The following FANCB variants were observed in gnomAD, a reference collection of about 807,000 sequenced individuals.
The protein encoded by FANCB is Fanconi anemia group B protein.
In FANCB, 5 loss-of-function variants were observed where a neutral mutation model predicts 38.9. The ratio of observed to expected loss-of-function variants is 0.13; its 90% CI spans 0.07 to 0.27. The LOEUF (loss-of-function observed/expected upper bound fraction) is 0.27, where lower values mean the gene tolerates loss of function less well. Ranked by LOEUF, FANCB falls within the 10% of genes least tolerant of loss-of-function variation. FANCB has a pLI of 1.00. For synonymous variants in FANCB, 236 were observed against 215.4 expected (o/e 1.10, Z -0.84); for missense variants, 573 against 602.7 (o/e 0.95, Z 0.52).
chrX:14,730,225 G>C, the FANCB span: 1 of 1,201,396 alleles, frequency 8.3e-7, no homozygotes, highest in African/African-American at 1.8e-5. Context: ...CGTTACTCGT[G>C]AAAGTCGTTT....
intron 5 of FANCB, among the ~76,000 whole-genome samples, chrX:14,853,395 G>A (rs1168208724): frequency 8.9e-6 from 1 of 111,842 alleles, no homozygotes; most frequent in Non-Finnish European, 1.9e-5. Flanking sequence ...GCAACATAGA[G>A]CTTATGTATC....
At chrX:14,697,015 A>C in the FANCB span, among the ~76,000 whole-genome samples, 1 of 111,549 alleles carries the variant, frequency 9.0e-6, no homozygotes, top group African/African-American at 3.3e-5. Context: ...AAAATAGGCA[A>C]GAAATATTTC....
rs2092463122 is a variant in FANCB, at chrX:14,865,019, T to C, written c.492A>G (p.Ser164=). 8.3e-7 allele frequency: 1 copy of C among 1,210,636 alleles called. No individual in the cohort carries two copies. The highest frequency in any genetic ancestry group is 1.1e-6 in the Non-Finnish European group (1 of 894,717). ...SSQTGKVVSV[S]GNFSSIQWAG... is the part of the protein sequence containing the mutation. ...CCCACTGAATAGAGGAAAAGTTACC[T>C]GACACACTAACAACTTTGCCAGTTT... The change falls in exon 3 of 10, where the codon TCA becomes TCG. Residue 164 remains serine, a synonymous_variant. Coordinates refer to ENST00000650831, the MANE Select transcript of FANCB (RefSeq NM_001018113.3).
chrX:14,712,559 G>A, the FANCB span, among the ~76,000 whole-genome samples: 1 of 109,114 alleles, frequency 9.2e-6, no homozygotes, highest in African/African-American at 3.3e-5. Flanking sequence ...GTAGTTAAAA[G>A]TCTGGAGTAA....
the FANCB span, among the ~76,000 whole-genome samples, chrX:14,804,023 T>C: frequency 8.9e-6 from 1 of 111,785 alleles, no homozygotes; most frequent in Non-Finnish European, 1.9e-5. Context: ...GGAACACTTT[T>C]ACACTGTTGG....
At chrX:14,780,368 A>C in the FANCB span, among the ~76,000 whole-genome samples, 1 of 111,160 alleles carries the variant, frequency 9.0e-6, no homozygotes, top group Non-Finnish European at 1.9e-5. Flanking sequence ...TTTTCTGTAC[A>C]TATAAACAGA....
the FANCB span, among the ~76,000 whole-genome samples, chrX:14,794,712 T>A: frequency 4.5e-5 from 5 of 112,097 alleles, no homozygotes; most frequent in Non-Finnish European, 9.4e-5. Flanking sequence ...TTTCCCTCTG[T>A]GTCTTGCTGA....
chrX:14,748,907 T>C, the FANCB span, among the ~76,000 whole-genome samples: 1 of 112,147 alleles, frequency 8.9e-6, no homozygotes, highest in Admixed American at 9.4e-5. Context: ...CATCTCTTGA[T>C]AGTGTATAGA....
the FANCB span, among the ~76,000 whole-genome samples, chrX:14,764,242 T>A: frequency 9.0e-6 from 1 of 111,238 alleles, no homozygotes; most frequent in Non-Finnish European, 1.9e-5. Flanking sequence ...TGTTGGTCTA[T>A]CTTTCCATAC....
At chrX:14,834,866 T>G (rs1601969483), downstream of FANCB, 1 of 599,168 alleles carries the variant, frequency 1.7e-6, no homozygotes, top group East Asian at 3.3e-5. Flanking sequence ...CCTTTTTCTG[T>G]GGAAACTTGC....
At chrX:14,869,214 T>C (rs2092484241) in intron 1 of FANCB, 171 bp from the exon 2 acceptor site, 1 of 111,969 alleles carries the variant, frequency 8.9e-6, no homozygotes, top group Admixed American at 9.5e-5. Flanking sequence ...TTACTACCTA[T>C]TCAAAGTTTT....
At chrX:14,716,293 A>T in the FANCB span, among the ~76,000 whole-genome samples, 1 of 111,647 alleles carries the variant, frequency 9.0e-6, no homozygotes, top group Non-Finnish European at 1.9e-5. Flanking sequence ...GAGGAAATTG[A>T]AGAACAAAAA....
intron 7 of FANCB, among the ~76,000 whole-genome samples, chrX:14,848,413 G>T (rs2092386141): frequency 9.0e-6 from 1 of 110,876 alleles, no homozygotes; most frequent in Non-Finnish European, 1.9e-5. Flanking sequence ...TGGACGCACA[G>T]GGGGCGCCTG....
chrX:14,731,751 T>C, the FANCB span: 8 of 112,092 alleles, frequency 7.1e-5, no homozygotes, highest in African/African-American at 2.6e-4. Flanking sequence ...TTACATGTGC[T>C]GTACAAGGGG....
Position 14,837,136 on chromosome X carries a change from T to A in FANCB, c.*1567-881A>T, listed in dbSNP as rs772889235. The stretch of plus-strand genomic sequence containing the variant: ...TTTTCTATAGGCATATCATTTGGAA[T>A]GATTAGATCAGGCAAAAGGTACAAA... On this transcript the variant is annotated intron_variant and NMD_transcript_variant, in intron 10 of 10. Transcript: ENST00000643728. Among the ~76,000 whole-genome samples, 217 of 112,609 alleles carry A rather than the reference T, an allele frequency of 1.9e-3. 1 individual carries two copies. The highest frequency in any genetic ancestry group is 3.0e-3 in the Non-Finnish European group (162 of 53,336).
At chrX:14,792,510 C>A in the FANCB span, among the ~76,000 whole-genome samples, 1 of 110,525 alleles carries the variant, frequency 9.0e-6, no homozygotes, top group Non-Finnish European at 1.9e-5. Flanking sequence ...TAAAAAAAAT[C>A]AATATATTCA....
the FANCB span, among the ~76,000 whole-genome samples, chrX:14,729,721 T>TA: frequency 9.0e-6 from 1 of 111,293 alleles, no homozygotes; most frequent in Non-Finnish European, 1.9e-5. Flanking sequence ...AACCTAATGT[T>TA]AATGGGGGAA....
At chrX:14,713,091 T>G in the FANCB span, among the ~76,000 whole-genome samples, 369 of 111,909 alleles carry the variant, frequency 3.3e-3, 1 homozygote, top group African/African-American at 0.011. Context: ...TGGATATATA[T>G]AGAGAGAGAA....
the FANCB span, among the ~76,000 whole-genome samples, chrX:14,797,740 C>T: frequency 9.1e-6 from 1 of 109,400 alleles, no homozygotes; most frequent in South Asian, 4.1e-4. Flanking sequence ...ATCTAACCCA[C>T]TCTCAAAGAG....
Sources: gnomAD v4.1 joint callset for allele counts (sites outside exome capture counted in the v4.1 genomes callset) on GRCh38, gnomAD v4.1.1 for gene constraint, MANE v1.5 for transcripts, NCBI Gene and HGNC (gene_info 2026-07-23, HGNC 2026-07-21) for gene names.